The following THADA variants were observed in gnomAD, a reference collection of about 807,000 sequenced individuals.
The protein encoded by THADA is tRNA (32-2'-O)-methyltransferase regulator THADA.
THADA carries 213 observed loss-of-function variants against 219.8 expected under a neutral mutation model. The ratio of observed to expected loss-of-function variants is 0.97; its 90% CI spans 0.87 to 1.09. The LOEUF (loss-of-function observed/expected upper bound fraction) is 1.09, where lower values mean the gene tolerates loss of function less well. Among genes scored for constraint, THADA ranks in the 50% least tolerant of loss-of-function variants. The pLI is 0.00. For synonymous variants in THADA, 1,018 were observed against 828.9 expected (o/e 1.23, Z -3.92); for missense variants, 2,956 against 2,311.3 (o/e 1.28, Z -5.72).
intron 26 of THADA, among the ~76,000 whole-genome samples, chr2:43,450,173 T>C (rs1682129368): frequency 6.6e-6 from 1 of 152,194 alleles, no homozygotes; most frequent in African/African-American, 2.4e-5. Flanking sequence ...CTTTTTGTAA[T>C]CTACAAAAAT....
At chr2:43,290,332 C>T (rs534079398) in intron 34 of THADA, among the ~76,000 whole-genome samples, 35 of 151,744 alleles carry the variant, frequency 2.3e-4, no homozygotes, top group Non-Finnish European at 3.4e-4. Flanking sequence ...TTCCTATACT[C>T]CCTCCACCCC....
chr2:43,331,053 G>A (rs1168968897), intron 30 of THADA, among the ~76,000 whole-genome samples: 2 of 152,168 alleles, frequency 1.3e-5, no homozygotes, highest in African/African-American at 2.4e-5. Flanking sequence ...CTACCAACAG[G>A]AAGGAAGCCA....
At chr2:43,250,690 C>T (rs529841575) in intron 36 of THADA, among the ~76,000 whole-genome samples, 11 of 151,436 alleles carry the variant, frequency 7.3e-5, no homozygotes, top group African/African-American at 1.2e-4. Context: ...ATAGTGAGAT[C>T]GTTTCTCTAT....
At chr2:43,248,154 TATATATATATAGAGAGAGAGAGAG>T (rs1182932060) in intron 36 of THADA, among the ~76,000 whole-genome samples, 479 of 85,126 alleles carry the variant, frequency 5.6e-3, no homozygotes, top group South Asian at 0.012. Context: ...TATATATATA[TATATATATATAGAGAGAGAGAGAG>T]AGAGAGAGAG....
chr2:43,288,273 C>T (rs545276794), intron 34 of THADA, among the ~76,000 whole-genome samples: 9 of 152,276 alleles, frequency 5.9e-5, no homozygotes, highest in Non-Finnish European at 1.3e-4. Context: ...CAAAAATTAG[C>T]TGGACATGGT....
chr2:43,421,857 G>A (rs1677760598), intron 28 of THADA, among the ~76,000 whole-genome samples: 2 of 152,204 alleles, frequency 1.3e-5, no homozygotes, highest in South Asian at 2.1e-4. Flanking sequence ...AAACCACTGT[G>A]ACTTTTTGGG....
At chr2:43,467,181 CAAAAAAAAA>C (rs70963399) in intron 26 of THADA, among the ~76,000 whole-genome samples, 1 of 58,390 alleles carries the variant, frequency 1.7e-5, no homozygotes, top group East Asian at 8.1e-4. Context: ...GACTCCGTCT[CAAAAAAAAA>C]AAAAAAAAAA....
At chr2:43,566,192 G>T in intron 15 of THADA, 1 of 395,984 alleles carries the variant, frequency 2.5e-6, no homozygotes, top group Non-Finnish European at 4.5e-6. Flanking sequence ...GAACCACACA[G>T]AAGGAAAAAC....
At chr2:43,590,570 G>A (rs370980449) in intron 4 of THADA, among the ~76,000 whole-genome samples, 1 of 150,970 alleles carries the variant, frequency 6.6e-6, no homozygotes, top group Non-Finnish European at 1.5e-5. Flanking sequence ...GCGTGAACCC[G>A]GGAGGCAGAG....
chr2:43,571,336 C>CTA lies in THADA; in HGVS notation c.2064+370_2064+371insTA, dbSNP rs1161554357. Among the ~76,000 whole-genome samples, 4 of 151,232 alleles carry CTA rather than the reference C, an allele frequency of 2.6e-5. No individual in the cohort carries two copies. The East Asian group carries it at 7.8e-4, about 29-fold the overall frequency. On this transcript the variant is annotated intron_variant, in intron 13 of 37. Coordinates refer to ENST00000405975, the MANE Select transcript of THADA (RefSeq NM_022065.5). ...GTACAATCTCGGCTCACTGCAACCTCCGCTCCTAGGTTCAAGCAATTCTCC... is the reference window on the plus strand; with the variant it reads ...GTACAATCTCGGCTCACTGCAACCTCTACGCTCCTAGGTTCAAGCAATTCTCC...
chr2:43,591,046 TACAGTGGCTC>T (rs1701509294), intron 3 of THADA, 92 bp from the exon 4 acceptor site: 8 of 1,238,606 alleles, frequency 6.5e-6, no homozygotes, highest in South Asian at 4.4e-5. Flanking sequence ...AATTGCTGGG[TACAGTGGCTC>T]ACCCCTGTAA....
intron 35 of THADA, among the ~76,000 whole-genome samples, chr2:43,284,194 A>T (rs1299467776): frequency 1.3e-5 from 2 of 152,138 alleles, no homozygotes; most frequent in East Asian, 3.9e-4. Context: ...AAAAAGAGAA[A>T]CCGAATGTTA....
At position 43,293,061 on chromosome 2, in the gene THADA, C is replaced by CCG; in HGVS notation, c.4589_4590dup (p.Ala1531ArgfsTer20). 6.2e-7 allele frequency: 1 copy of CCG among 1,613,968 alleles called. No individual in the cohort carries two copies. Among genetic ancestry groups the CCG allele is most frequent in the Non-Finnish European group, 8.5e-7 (1 of 1,179,904 alleles). ...GTCTCCCGCTCTCCACTCTTGGCTG[C>CCG]CGCGGCCCACACTGCAGCAATGGCT... is the stretch of plus-strand genomic sequence containing the variant. On this transcript the variant is annotated frameshift_variant, in exon 32 of 38. Transcript: ENST00000405975. LOFTEE classifies it high-confidence loss of function.
At chr2:43,385,116 G>A (rs569424734) in intron 29 of THADA, among the ~76,000 whole-genome samples, 39 of 151,962 alleles carry the variant, frequency 2.6e-4, no homozygotes, top group African/African-American at 8.9e-4. Flanking sequence ...TCTCTAGCCC[G>A]GGCGACAAAG....
chr2:43,397,445 C>A (rs1245492521), intron 29 of THADA, among the ~76,000 whole-genome samples: 4 of 152,028 alleles, frequency 2.6e-5, no homozygotes, highest in Non-Finnish European at 5.9e-5. Flanking sequence ...AGGTTAAAAA[C>A]AATAAACTTG....
In THADA at chr2:43,353,687, G is replaced by C. The variant is rs1233646246; in HGVS notation, c.4228-9450C>G. 2.6e-5 allele frequency among the ~76,000 whole-genome samples: 4 copies of C among 152,080 alleles called. 1 individual carries two copies. The highest frequency in any genetic ancestry group is 9.6e-5 in the African/African-American group (4 of 41,464). On this transcript the variant is annotated intron_variant, in intron 29 of 37. Transcript: ENST00000405975. ...TATTTATTTATTGAGATGGAGTCTT[G>C]CTCTGTCGCCCATGCTGGAGTGTGG... is the stretch of plus-strand genomic sequence containing the variant.
intron 36 of THADA, among the ~76,000 whole-genome samples, chr2:43,250,340 C>A (rs953340232): frequency 6.6e-6 from 1 of 152,092 alleles, no homozygotes; most frequent in African/African-American, 2.4e-5. Context: ...TATGAAAAAA[C>A]TTAATAGGAA....
At chr2:43,438,309 A>G (rs1680395739) in intron 26 of THADA, among the ~76,000 whole-genome samples, 1 of 151,848 alleles carries the variant, frequency 6.6e-6, no homozygotes, top group Non-Finnish European at 1.5e-5. Flanking sequence ...CAAAAAAAAA[A>G]AAAAAAAAAC....
chr2:43,355,729 C>T (rs1668804044), intron 29 of THADA, among the ~76,000 whole-genome samples: 1 of 152,174 alleles, frequency 6.6e-6, no homozygotes, highest in Non-Finnish European at 1.5e-5. Context: ...GTTTTCCCAG[C>T]ACCATTTACT....
Sources: allele counts gnomAD v4.1 joint callset (sites outside exome capture counted in the v4.1 genomes callset), GRCh38; gene constraint gnomAD v4.1.1; transcripts MANE v1.5; gene names NCBI Gene and HGNC (gene_info 2026-07-23, HGNC 2026-07-21).